Variants in C14orf39 observed in about 807,000 individuals in gnomAD.
C14orf39 encodes the protein protein SIX6OS1.
In C14orf39, 66 loss-of-function variants were observed where a neutral mutation model predicts 85.6. That is an observed-to-expected ratio of 0.77 (90% CI 0.63 to 0.95). The LOEUF (loss-of-function observed/expected upper bound fraction) is 0.95. Among genes scored for constraint, C14orf39 ranks in the 40% least tolerant of loss-of-function variants. The probability of loss-of-function intolerance (pLI) is 0.00; values close to 1 mark genes in which losing one functional copy is unlikely to be tolerated. For synonymous variants in C14orf39, 242 were observed against 214.0 expected, an observed-to-expected ratio of 1.13 and a Z score of -1.14; for missense variants, 735 against 663.9, an observed-to-expected ratio of 1.11 and a Z score of -1.18.
At chr14:60,443,821 C>T (rs983208678) in intron 16 of C14orf39, among the ~76,000 whole-genome samples, 4 of 152,156 alleles carry the variant, frequency 2.6e-5, no homozygotes, top group Non-Finnish European at 5.9e-5. Flanking sequence ...GACAAAGATT[C>T]CAGAAGAAGG....
chr14:60,450,992 A>G (rs1333237019), intron 16 of C14orf39, among the ~76,000 whole-genome samples: 1 of 152,204 alleles, frequency 6.6e-6, no homozygotes, highest in Non-Finnish European at 1.5e-5. Flanking sequence ...CAAGAAAGAC[A>G]GGCACTACAA....
chr14:60,470,103 A>C (rs577771881), intron 7 of C14orf39, among the ~76,000 whole-genome samples: 1 of 151,888 alleles, frequency 6.6e-6, no homozygotes, highest in South Asian at 2.1e-4. Flanking sequence ...CTGGAGAAAA[A>C]CAAAATCGAC....
At chr14:60,477,670 G>C (rs934981630) in intron 5 of C14orf39, among the ~76,000 whole-genome samples, 1 of 152,110 alleles carries the variant, frequency 6.6e-6, no homozygotes, top group Non-Finnish European at 1.5e-5. Flanking sequence ...TTTGTTATAA[G>C]CTAATTCTAC....
upstream of C14orf39, among the ~76,000 whole-genome samples, chr14:60,488,495 A>T (rs1422772643): frequency 6.6e-6 from 1 of 152,160 alleles, no homozygotes; most frequent in African/African-American, 2.4e-5. Flanking sequence ...CATTTATCTT[A>T]ACAAATCATT....
chr14:60,500,150 C>T (rs143124140), intron 1 of C14orf39, among the ~76,000 whole-genome samples: 22 of 152,314 alleles, frequency 1.4e-4, no homozygotes, highest in African/African-American at 5.3e-4. Context: ...GCCTCAGCCA[C>T]CCAGATAGCT....
intron 16 of C14orf39, among the ~76,000 whole-genome samples, chr14:60,444,850 C>A (rs1456155251): frequency 6.6e-6 from 1 of 152,196 alleles, no homozygotes; most frequent in Admixed American, 6.5e-5. Context: ...ACAATCCCAT[C>A]AGACTAACAG....
At chr14:60,454,515 A>G (rs1326711319) in intron 16 of C14orf39, among the ~76,000 whole-genome samples, 2 of 152,014 alleles carry the variant, frequency 1.3e-5, no homozygotes, top group African/African-American at 4.8e-5. Flanking sequence ...TGAATAAAGC[A>G]TGTCTCAATT....
At chr14:60,465,247 T>C (rs1041694980) in intron 11 of C14orf39, among the ~76,000 whole-genome samples, 1 of 152,172 alleles carries the variant, frequency 6.6e-6, no homozygotes, top group Non-Finnish European at 1.5e-5. Flanking sequence ...GTTTCACTAA[T>C]TACTTTGGTC....
In C14orf39 at chr14:60,461,491, T is replaced by C; in HGVS notation, c.1058+17A>G. ...TTATTTCAGAGATTAAAGCATTTTC[T>C]TATTTTAAAAAGTTACCTGACTTGC... On this transcript the variant is annotated intron_variant, in intron 12 of 17. Transcript: ENST00000321731. 1 of 1,577,726 alleles carries C rather than the reference T, an allele frequency of 6.3e-7. No homozygotes were observed. The highest frequency in any genetic ancestry group is 8.6e-7 in the Non-Finnish European group (1 of 1,162,258).
At chr14:60,511,029 G>C in intron 1 of C14orf39, 1 of 1,573,246 alleles carries the variant, frequency 6.4e-7, no homozygotes, top group Non-Finnish European at 8.7e-7. Flanking sequence ...GGTGGGGGCG[G>C]GCGACGGGCG....
At chr14:60,467,066 A>ATTAAATATTAGATAAG (rs1891829752) in intron 9 of C14orf39, 22 bp from the exon 10 acceptor site, 1 of 1,161,728 alleles carries the variant, frequency 8.6e-7, no homozygotes, top group African/African-American at 1.6e-5. Context: ...GGTGAATTAC[A>ATTAAATATTAGATAAG]TTAAATATTA....
chr14:60,505,942 C>T (rs750064889), intron 1 of C14orf39, among the ~76,000 whole-genome samples: 2 of 152,188 alleles, frequency 1.3e-5, no homozygotes, highest in African/African-American at 4.8e-5. Flanking sequence ...AAGTCCCACA[C>T]TGAACTCCAG....
intron 11 of C14orf39, among the ~76,000 whole-genome samples, chr14:60,463,448 C>T (rs973893675): frequency 1.3e-5 from 2 of 151,960 alleles, no homozygotes; most frequent in Admixed American, 1.3e-4. Context: ...TCCTTCACCA[C>T]ACTGTTATAA....
intron 1 of C14orf39, among the ~76,000 whole-genome samples, chr14:60,502,217 C>T (rs1893158125): frequency 6.6e-6 from 1 of 152,118 alleles, no homozygotes; most frequent in African/African-American, 2.4e-5. Context: ...TTATCTATCT[C>T]ACAGTTTTAA....
chr14:60,447,431 A>G (rs1035569177), intron 16 of C14orf39, among the ~76,000 whole-genome samples: 3 of 152,124 alleles, frequency 2.0e-5, no homozygotes, highest in African/African-American at 7.2e-5. Context: ...TCATGAGTGA[A>G]CTCCCATTCA....
chr14:60,466,071 G>C lies in C14orf39; in HGVS notation c.896-16C>G. 1 of 1,293,132 alleles carries C rather than the reference G, an allele frequency of 7.7e-7. No individual in the cohort carries two copies. Among genetic ancestry groups the C allele is most frequent in the South Asian group, 1.5e-5 (1 of 66,702 alleles). The allele number at this position is 1,293,132 out of a possible 1,614,324, so 80.1% of individuals were successfully genotyped here. A position where few individuals can be genotyped will look rare whatever the true frequency, so the allele number is the denominator to read the frequency against. On this transcript the variant is annotated splice_polypyrimidine_tract_variant and intron_variant, in intron 10 of 17. Coordinates refer to ENST00000321731, the MANE Select transcript of C14orf39 (RefSeq NM_174978.3). ...TCTTTTATATCTAGATTATTAAATA[G>C]TACTACTTTAAATCAATGCTGGAAA...
chr14:60,451,595 C>T (rs554392040), intron 16 of C14orf39, among the ~76,000 whole-genome samples: 1 of 151,094 alleles, frequency 6.6e-6, no homozygotes, highest in African/African-American at 2.4e-5. Flanking sequence ...GGACAGAAAA[C>T]TAAACACCGC....
chr14:60,511,039 GGCTGTGTTACGA>G (rs776428140), intron 1 of C14orf39: 36 of 1,596,330 alleles, frequency 2.3e-5, no homozygotes, highest in Non-Finnish European at 2.6e-5. Flanking sequence ...GGCGACGGGC[GGCTGTGTTACGA>G]GCTGTGACCC....
intron 1 of C14orf39, among the ~76,000 whole-genome samples, chr14:60,500,380 TTTG>T (rs1422147918): frequency 6.6e-6 from 1 of 152,214 alleles, no homozygotes; most frequent in African/African-American, 2.4e-5. Flanking sequence ...TAAAAGTCTT[TTTG>T]GATGGAAATT....
Sources: gnomAD v4.1 joint callset for allele counts (sites outside exome capture counted in the v4.1 genomes callset) on GRCh38, gnomAD v4.1.1 for gene constraint, MANE v1.5 for transcripts, NCBI Gene and HGNC (gene_info 2026-07-23, HGNC 2026-07-21) for gene names.